The following ZNF521 variants were observed in gnomAD, a reference collection of about 807,000 sequenced individuals.
ZNF521 encodes the protein LYST-interacting protein 3.
A neutral mutation model predicts 105.5 loss-of-function variants in ZNF521; 14 were observed. That is an observed-to-expected ratio of 0.13 (90% confidence interval 0.09 to 0.21). The LOEUF is 0.21. ZNF521 is among the 10% of genes least tolerant of loss of function. ZNF521 has a pLI of 1.00. For missense variants in ZNF521, 1,233 were observed against 1,629.7 expected (o/e 0.76, Z 4.19); for synonymous variants, 635 against 606.0 (o/e 1.05, Z -0.70).
chr18:25,225,808 T>C lies in ZNF521; in HGVS notation c.2110A>G (p.Thr704Ala). The C allele has an allele frequency of 6.2e-7, 1 of 1,614,260 alleles. No homozygotes were observed. The highest frequency in any genetic ancestry group is 1.1e-5 in the South Asian group (1 of 91,084). Residue 704 changes from threonine (T) to alanine (A), a missense_variant, in exon 4 of 8, where the codon ACA becomes GCA. Physicochemically the swap from Thr to Ala is moderately conservative, Grantham distance 58. This residue lies in a region of ZNF521 where 614 missense variants were observed against 751.5 expected (regional missense o/e 0.82). Coordinates refer to ENST00000361524, the MANE Select transcript of ZNF521 (RefSeq NM_015461.3). The surrounding 1 kb of genome is among the most constrained non-coding windows in gnomAD (Gnocchi z 5.6). ...YICESCDKQF[T>A]SVDDLQKHLL... Reference sequence around the variant, plus strand: ...TGTTTCTGAAGGTCATCCACTGATGTGAATTGCTTGTCACAACTCTCACAG... The same window carrying C: ...TGTTTCTGAAGGTCATCCACTGATGCGAATTGCTTGTCACAACTCTCACAG...
At chr18:25,331,577 G>A (rs1262486291) in intron 2 of ZNF521, among the ~76,000 whole-genome samples, 1 of 152,132 alleles carries the variant, frequency 6.6e-6, no homozygotes, top group Non-Finnish European at 1.5e-5. Context: ...AGAAAAATCT[G>A]CGGCTAAATG....
chr18:25,133,172 C>G (rs987437179), intron 5 of ZNF521, among the ~76,000 whole-genome samples: 1 of 152,152 alleles, frequency 6.6e-6, no homozygotes, highest in Non-Finnish European at 1.5e-5. Flanking sequence ...ATAAATAATA[C>G]CATCTACCAG....
chr18:25,153,559 G>T (rs1407624044), intron 5 of ZNF521, among the ~76,000 whole-genome samples: 1 of 152,280 alleles, frequency 6.6e-6, no homozygotes, highest in South Asian at 2.1e-4. Context: ...TCCCAGTCTG[G>T]CTAGGTCTTT....
chr18:25,120,402 A>T (rs1259040359), intron 5 of ZNF521, among the ~76,000 whole-genome samples: 2 of 151,976 alleles, frequency 1.3e-5, no homozygotes, highest in Non-Finnish European at 2.9e-5. Context: ...GGCCAACACG[A>T]TGAAACCCCA....
chr18:25,255,305 T>G (rs9959386), intron 3 of ZNF521, among the ~76,000 whole-genome samples: 12,376 of 152,122 alleles, frequency 0.081, 571 homozygotes, highest in African/African-American at 0.12. Context: ...ATTGAGAATT[T>G]TAGTAGGTAA....
In ZNF521 at chr18:25,224,337, C is replaced by T. The variant is rs149815592; in HGVS notation, c.3573+8G>A. The T allele has an allele frequency of 1.8e-5, 28 of 1,597,088 alleles. No homozygotes were observed. The highest frequency in any genetic ancestry group is 5.4e-5 in the African/African-American group (4 of 74,190). ...GTTAAATAGCAAACATTAAAAAAGG[C>T]GAGTTACCTCATCCGACTGGGAGGG... is the stretch of plus-strand genomic sequence containing the variant. On this transcript the variant is annotated splice_region_variant and intron_variant, in intron 4 of 7. Transcript: ENST00000361524.
chr18:25,350,683 C>T (rs1470294648), intron 2 of ZNF521, among the ~76,000 whole-genome samples: 2 of 150,962 alleles, frequency 1.3e-5, no homozygotes, highest in African/African-American at 4.9e-5. Flanking sequence ...CCACTTTCTA[C>T]CGCCGCCCCA....
intron 2 of ZNF521, among the ~76,000 whole-genome samples, chr18:25,335,184 G>A (rs1018674111): frequency 6.6e-6 from 1 of 152,086 alleles, no homozygotes; most frequent in African/African-American, 2.4e-5. Context: ...AGTCTGAGAG[G>A]GTTGGAAAAG....
chr18:25,346,943 A>AG (rs1914487866), intron 2 of ZNF521, among the ~76,000 whole-genome samples: 2 of 152,070 alleles, frequency 1.3e-5, no homozygotes, highest in Admixed American at 6.5e-5. Flanking sequence ...TGAATATATC[A>AG]CACCTTTATA....
intron 5 of ZNF521, among the ~76,000 whole-genome samples, chr18:25,095,300 G>A (rs547060748): frequency 6.6e-6 from 1 of 152,140 alleles, no homozygotes; most frequent in East Asian, 1.9e-4. Context: ...CTTCCTAAAG[G>A]TGCCAAAAAG....
At chr18:25,207,478 G>A (rs2036103447) in intron 4 of ZNF521, among the ~76,000 whole-genome samples, 1 of 152,074 alleles carries the variant, frequency 6.6e-6, no homozygotes, top group South Asian at 2.1e-4. Context: ...CTTCTTGGAG[G>A]GTTTTCATTT....
At chr18:25,305,658 C>T (rs551804738) in intron 3 of ZNF521, among the ~76,000 whole-genome samples, 72 of 152,216 alleles carry the variant, frequency 4.7e-4, no homozygotes, top group African/African-American at 1.7e-3. Context: ...GCCAGTTACC[C>T]TTAGCAACAA....
In ZNF521 at chr18:25,227,690, C is replaced by T. The variant is rs1392371192; in HGVS notation, c.228G>A (p.Val76=). The T allele has an allele frequency of 2.5e-6, 4 of 1,609,754 alleles. No homozygotes were observed. The Admixed American group carries it at 6.7e-5, about 27-fold the overall frequency. Residue 76 remains valine (V), a synonymous_variant, in exon 4 of 8, where the codon GTG becomes GTA. Coordinates refer to ENST00000361524, the MANE Select transcript of ZNF521 (RefSeq NM_015461.3). This position sits in a 1 kb window ranked among gnomAD's most constrained non-coding sequence, Gnocchi z 5.7. ...KINQCQLTDG[V]DVEDDPTCSW... is the part of the protein sequence containing the mutation. The stretch of plus-strand genomic sequence containing the variant: ...AGCAAGTCGGATCATCTTCAACATC[C>T]ACTCCATCTGCAACAAGAAGCAATG...
chr18:25,261,561 G>T (rs577475419), intron 3 of ZNF521, among the ~76,000 whole-genome samples: 39 of 151,936 alleles, frequency 2.6e-4, no homozygotes, highest in Non-Finnish European at 5.1e-4. Context: ...AAAGCCAAAA[G>T]AATTTATTTG....
At chr18:25,069,163 T>G (rs2033152120) in intron 7 of ZNF521, among the ~76,000 whole-genome samples, 1 of 152,220 alleles carries the variant, frequency 6.6e-6, no homozygotes, top group South Asian at 2.1e-4. Context: ...CATATTCTAT[T>G]AAATTATACT....
intron 5 of ZNF521, among the ~76,000 whole-genome samples, chr18:25,153,184 A>G (rs2144494892): frequency 6.6e-6 from 1 of 152,364 alleles, no homozygotes; most frequent in African/African-American, 2.4e-5. Context: ...AATGTTGGTC[A>G]GCTAAACTTT....
intron 2 of ZNF521, among the ~76,000 whole-genome samples, chr18:25,330,650 C>A (rs1055371951): frequency 6.6e-6 from 1 of 152,270 alleles, no homozygotes; most frequent in East Asian, 1.9e-4. Flanking sequence ...ATATCTCTTT[C>A]TTATTTCTTC....
chr18:25,121,838 C>G lies in ZNF521; in HGVS notation c.3659-29757G>C, dbSNP rs533362773. On this transcript the variant is annotated intron_variant, in intron 5 of 7. Coordinates refer to ENST00000361524, the MANE Select transcript of ZNF521 (RefSeq NM_015461.3). ...ATTACAAACTTAACTTAACTGCTTC[C>G]CAAAACAAAGCTCAAGAGTAGTTAT... 6.8e-4 allele frequency among the ~76,000 whole-genome samples: 104 copies of G among 152,198 alleles called. No individual in the cohort carries two copies. In the Middle Eastern group the frequency reaches 0.01, roughly 15 times the overall value.
At chr18:25,260,243 A>G (rs1908815616) in intron 3 of ZNF521, among the ~76,000 whole-genome samples, 1 of 152,200 alleles carries the variant, frequency 6.6e-6, no homozygotes, top group Non-Finnish European at 1.5e-5. Context: ...AAGAAATGCT[A>G]AAATAAAACA....
Sources: gnomAD v4.1 joint callset for allele counts (sites outside exome capture counted in the v4.1 genomes callset) on GRCh38, gnomAD v4.1.1 for gene constraint, gnomAD v4.1.1 regional missense constraint, Gnocchi (gnomAD v3.1) non-coding constraint, MANE v1.5 for transcripts, NCBI Gene and HGNC (gene_info 2026-07-23, HGNC 2026-07-21) for gene names.